The following KDM4B variants were observed in gnomAD, a reference collection of about 807,000 sequenced individuals.
KDM4B encodes lysine-specific demethylase 4B.
KDM4B carries 32 observed loss-of-function variants against 125.2 expected under a neutral mutation model. The observed-to-expected ratio is 0.26, with a 90% confidence interval of 0.19 to 0.34. The LOEUF (loss-of-function observed/expected upper bound fraction) is 0.34, where lower values mean the gene tolerates loss of function less well. Among genes scored for constraint, KDM4B ranks in the 10% least tolerant of loss-of-function variants. The pLI is 1.00. For synonymous variants in KDM4B, 721 were observed against 677.9 expected (o/e 1.06, Z -0.99); for missense variants, 1,190 against 1,577.7 (o/e 0.75, Z 4.16).
chr19:5,151,970 C>G lies in KDM4B; in HGVS notation c.*459C>G, dbSNP rs1038401635. ...TGGCTTTAAGAAAAACAAAACAAAA[C>G]AAACACATTGTTTTTCTCAGAACCA... is the stretch of plus-strand genomic sequence containing the variant. On this transcript the variant is annotated 3_prime_UTR_variant, in exon 23 of 23. Coordinates refer to ENST00000159111, the MANE Select transcript of KDM4B (RefSeq NM_015015.3). The G allele has an allele frequency of 6.4e-6, 1 of 155,692 alleles. No homozygotes were observed. Among genetic ancestry groups the G allele is most frequent in the African/African-American group, 2.4e-5 (1 of 41,624 alleles). 9.6% of individuals were successfully genotyped at this position (155,692 alleles called of 1,614,324 possible). A position where few individuals can be genotyped will look rare whatever the true frequency, so the allele number is the denominator to read the frequency against.
intron 2 of KDM4B, among the ~76,000 whole-genome samples, 162 bp from the exon 3 acceptor site, chr19:5,032,704 C>T (rs989213277): frequency 5.3e-5 from 8 of 152,226 alleles, no homozygotes; most frequent in East Asian, 1.9e-4. Context: ...CGAGGCCGCT[C>T]GTGGTTTTCT....
chr19:5,064,502 G>A (rs1055823552), intron 6 of KDM4B, among the ~76,000 whole-genome samples: 5 of 152,166 alleles, frequency 3.3e-5, no homozygotes, highest in Non-Finnish European at 5.9e-5. Context: ...TTCATCCCTG[G>A]CACCTAATTG....
At position 5,132,643 on chromosome 19, in the gene KDM4B, G is replaced by A. The variant is rs548075778; in HGVS notation, c.1906+636G>A. Among the ~76,000 whole-genome samples the A allele has an allele frequency of 4.6e-5, 7 of 152,206 alleles. No individual in the cohort carries two copies. In the East Asian group the frequency reaches 9.7e-4, roughly 21 times the overall value. ...CAGAGGAATGACCAGGGGCCCCCGC[G>A]GGCTGGCTTGGGAAGGGGTCTTGCC... On this transcript the variant is annotated intron_variant, in intron 13 of 22. Coordinates refer to ENST00000159111, the MANE Select transcript of KDM4B (RefSeq NM_015015.3).
intron 18 of KDM4B, 81 bp downstream of exon 18, chr19:5,138,151 G>A: frequency 9.2e-7 from 1 of 1,087,310 alleles, no homozygotes; most frequent in South Asian, 1.4e-5. Flanking sequence ...TGCGCGATCT[G>A]AAGCGGTCTT....
intron 9 of KDM4B, among the ~76,000 whole-genome samples, chr19:5,094,743 G>A (rs985436687): frequency 3.9e-5 from 6 of 152,176 alleles, no homozygotes; most frequent in Non-Finnish European, 8.8e-5. Context: ...ATGCGTCAGA[G>A]CCTGCCTTCC....
At chr19:5,005,352 C>T (rs746115499) in intron 1 of KDM4B, among the ~76,000 whole-genome samples, 2 of 152,220 alleles carry the variant, frequency 1.3e-5, no homozygotes, top group Non-Finnish European at 2.9e-5. Context: ...GGGCATAGAT[C>T]AGTGTGGGCA....
At chr19:4,978,704 C>T (rs1309637140) in intron 1 of KDM4B, among the ~76,000 whole-genome samples, 1 of 152,082 alleles carries the variant, frequency 6.6e-6, no homozygotes, top group Non-Finnish European at 1.5e-5. Flanking sequence ...AAAACAGCTC[C>T]TGTGCAATTC....
At position 5,137,921 on chromosome 19, in the gene KDM4B, C is replaced by G. The variant is rs747797339; in HGVS notation, c.2442-41C>G. 9 of 1,519,830 alleles carry G rather than the reference C, an allele frequency of 5.9e-6. No individual in the cohort carries two copies. In the Admixed American group the frequency reaches 1.2e-4, roughly 21 times the overall value. The allele number at this position is 1,519,830 out of a possible 1,614,324, so 94.1% of individuals were successfully genotyped here. On this transcript the variant is annotated intron_variant, in intron 17 of 22. Coordinates refer to ENST00000159111, the MANE Select transcript of KDM4B (RefSeq NM_015015.3). ...CAGCCCCTCTGTGACCAGCCCAGGTCCTCAGAGGCGCACCTGACCCCGCTG... is the reference window on the plus strand; with the variant it reads ...CAGCCCCTCTGTGACCAGCCCAGGTGCTCAGAGGCGCACCTGACCCCGCTG...
intron 6 of KDM4B, among the ~76,000 whole-genome samples, chr19:5,069,598 AC>A (rs2037882243): frequency 7.1e-6 from 1 of 140,028 alleles, no homozygotes; most frequent in African/African-American, 2.7e-5. Context: ...GAGCCACTGC[AC>A]CCGGCCTGTT....
At chr19:5,008,360 C>A (rs187441996) in intron 1 of KDM4B, among the ~76,000 whole-genome samples, 1 of 152,150 alleles carries the variant, frequency 6.6e-6, no homozygotes, top group Non-Finnish European at 1.5e-5. Context: ...AGCTTTCTCC[C>A]GTTTATCTAA....
At chr19:5,047,333 GC>G in intron 5 of KDM4B, 142 bp from the exon 6 acceptor site, 1 of 705,602 alleles carries the variant, frequency 1.4e-6, no homozygotes, top group Non-Finnish European at 2.3e-6. Flanking sequence ...GGTATGACCG[GC>G]CCCTGGGGGG....
At chr19:5,119,895 C>A in intron 11 of KDM4B, 43 bp downstream of exon 11, 1 of 1,538,346 alleles carries the variant, frequency 6.5e-7, no homozygotes, top group Non-Finnish European at 8.7e-7. Flanking sequence ...TGTTTTCCCA[C>A]CCCCGTGGGC....
intron 9 of KDM4B, among the ~76,000 whole-genome samples, chr19:5,104,883 C>A (rs1346663480): frequency 6.6e-6 from 1 of 152,180 alleles, no homozygotes; most frequent in African/African-American, 2.4e-5. Context: ...ACCTGAATTG[C>A]TGTTTTCTCC....
chr19:5,020,611 G>A (rs1024925367), intron 2 of KDM4B, among the ~76,000 whole-genome samples: 3 of 152,170 alleles, frequency 2.0e-5, no homozygotes, highest in Admixed American at 1.3e-4. Context: ...GCCAGGCCGC[G>A]GGCGCTGGGG....
At chr19:5,100,981 G>A (rs1476905653) in intron 9 of KDM4B, among the ~76,000 whole-genome samples, 1 of 152,112 alleles carries the variant, frequency 6.6e-6, no homozygotes, top group Non-Finnish European at 1.5e-5. Context: ...AGCACTTTGG[G>A]AGGCTGAGGC....
intron 8 of KDM4B, among the ~76,000 whole-genome samples, chr19:5,080,026 C>T (rs1307403575): frequency 6.6e-6 from 1 of 152,224 alleles, no homozygotes; most frequent in Non-Finnish European, 1.5e-5. Context: ...ACGGCGGGGG[C>T]CAGGCCCTGG....
intron 2 of KDM4B, among the ~76,000 whole-genome samples, chr19:5,017,634 C>T (rs1038032708): frequency 1.3e-5 from 2 of 152,214 alleles, no homozygotes; most frequent in African/African-American, 2.4e-5. Context: ...TGCTTCCTTA[C>T]AAGATGGTCA....
intron 1 of KDM4B, among the ~76,000 whole-genome samples, chr19:5,003,928 C>G (rs566831796): frequency 1.3e-5 from 2 of 152,294 alleles, no homozygotes; most frequent in African/African-American, 2.4e-5. Context: ...AGGTCTGCCC[C>G]GTGGGTTGTT....
At chr19:5,043,401 G>GT (rs2036893966) in intron 5 of KDM4B, among the ~76,000 whole-genome samples, 1 of 108,216 alleles carries the variant, frequency 9.2e-6, no homozygotes. Flanking sequence ...GGAGTGGGGG[G>GT]GTCCACCGTA....
Sources: gnomAD v4.1 joint callset for allele counts (sites outside exome capture counted in the v4.1 genomes callset) on GRCh38, gnomAD v4.1.1 for gene constraint, MANE v1.5 for transcripts, NCBI Gene and HGNC (gene_info 2026-07-23, HGNC 2026-07-21) for gene names.